The following CADM2 variants were observed in gnomAD, a reference collection of about 807,000 sequenced individuals.
The protein encoded by CADM2 is cell adhesion molecule 2.
A neutral mutation model predicts 49.8 loss-of-function variants in CADM2; 12 were observed. That is an observed-to-expected ratio of 0.24 (90% CI 0.15 to 0.39). CADM2 has a LOEUF of 0.39. Ranked by LOEUF, CADM2 falls within the 10% of genes least tolerant of loss-of-function variation. The pLI is 1.00. For missense variants in CADM2, 378 were observed against 492.3 expected (o/e 0.77, Z 2.20); for synonymous variants, 214 against 175.4 (o/e 1.22, Z -1.74).
chr3:85,084,269 C>T (rs1357678023), intron 1 of CADM2, among the ~76,000 whole-genome samples: 1 of 152,092 alleles, frequency 6.6e-6, no homozygotes, highest in East Asian at 1.9e-4. Context: ...TCTATTTTCC[C>T]CTTAGAGTAT....
chr3:85,942,090 T>A (rs574516076), intron 7 of CADM2, among the ~76,000 whole-genome samples: 2 of 152,250 alleles, frequency 1.3e-5, no homozygotes, highest in East Asian at 3.9e-4. Flanking sequence ...ACAACAATGA[T>A]GATTGTATTT....
intron 2 of CADM2, among the ~76,000 whole-genome samples, chr3:85,752,376 G>C (rs1363784432): frequency 1.3e-5 from 2 of 151,770 alleles, no homozygotes; most frequent in African/African-American, 4.8e-5. Flanking sequence ...GATCTAGGCA[G>C]TCAAATATAA....
chr3:85,450,775 G>A (rs774384771), intron 1 of CADM2, among the ~76,000 whole-genome samples: 1 of 151,810 alleles, frequency 6.6e-6, no homozygotes, highest in Admixed American at 6.6e-5. Context: ...TTCTTTAGAT[G>A]CTGACCAATT....
chr3:86,069,565 A>T lies in CADM2; in HGVS notation c.*2782A>T, dbSNP rs1739661530. On this transcript the variant is annotated 3_prime_UTR_variant, in exon 10 of 10. Transcript: ENST00000383699. ...TTTCTATTCCAACAAGTCAGAAAAT[A>T]ATGACATAATATTTCTAAATGAGAA... is the stretch of plus-strand genomic sequence containing the variant. 6.6e-6 allele frequency: 1 copy of T among 152,028 alleles called. No individual in the cohort carries two copies. Among genetic ancestry groups the T allele is most frequent in the South Asian group, 2.1e-4 (1 of 4,836 alleles). The allele number at this position is 152,028 out of a possible 1,614,324, so 9.4% of individuals were successfully genotyped here.
intron 1 of CADM2, among the ~76,000 whole-genome samples, chr3:85,717,642 ATTAC>A (rs1254472005): frequency 2.6e-5 from 4 of 152,092 alleles, no homozygotes; most frequent in Non-Finnish European, 4.4e-5. Context: ...AATAGTTCTT[ATTAC>A]TTTGAGATAC....
In CADM2 at chr3:85,433,133, G is replaced by A. The variant is rs565129522; in HGVS notation, c.62-293389G>A. Among the ~76,000 whole-genome samples the A allele has an allele frequency of 1.7e-4, 11 of 66,100 alleles. No homozygotes were observed. The Admixed American group carries it at 2.4e-3, about 15-fold the overall frequency. 43.4% of individuals were successfully genotyped at this position (66,100 alleles called of 152,430 possible). ...AAAAGAAAAACATACATTTATTTCT[G>A]AGTCCTCTTTTTTTTTCTAAAAAGC... On this transcript the variant is annotated intron_variant, in intron 1 of 9. Transcript: ENST00000383699.
chr3:85,786,171 T>G (rs1226772984), intron 2 of CADM2, among the ~76,000 whole-genome samples: 2 of 152,128 alleles, frequency 1.3e-5, no homozygotes, highest in Non-Finnish European at 2.9e-5. Context: ...TTTTACACTT[T>G]CACCTTAATT....
chr3:85,136,246 G>A (rs1052087272), intron 1 of CADM2, among the ~76,000 whole-genome samples: 2 of 151,690 alleles, frequency 1.3e-5, no homozygotes, highest in South Asian at 4.2e-4. Context: ...AGCTGTGAGT[G>A]GTAATAAGAA....
intron 1 of CADM2, among the ~76,000 whole-genome samples, chr3:84,994,049 A>G (rs188358111): frequency 6.6e-6 from 1 of 152,290 alleles, no homozygotes; most frequent in African/African-American, 2.4e-5. Flanking sequence ...AAATGTGAAT[A>G]GGATGTTTCA....
intron 1 of CADM2, among the ~76,000 whole-genome samples, chr3:84,972,304 A>G (rs1046636410): frequency 1.3e-5 from 2 of 152,266 alleles, no homozygotes; most frequent in African/African-American, 4.8e-5. Flanking sequence ...GTTTTATAAC[A>G]TAGTATAACA....
intron 1 of CADM2, among the ~76,000 whole-genome samples, chr3:85,287,865 C>T (rs1464355068): frequency 1.3e-5 from 2 of 148,688 alleles, no homozygotes; most frequent in Non-Finnish European, 3.0e-5. Context: ...CCAAACACCA[C>T]ATGTTCTCAC....
intron 1 of CADM2, among the ~76,000 whole-genome samples, chr3:84,970,943 A>G (rs1485880521): frequency 6.6e-6 from 1 of 152,076 alleles, no homozygotes; most frequent in Non-Finnish European, 1.5e-5. Context: ...TCAGTGAAAC[A>G]TTTTAATATG....
intron 3 of CADM2, among the ~76,000 whole-genome samples, chr3:85,818,948 C>T (rs2073389653): frequency 2.6e-5 from 4 of 151,584 alleles, no homozygotes; most frequent in African/African-American, 7.3e-5. Context: ...CACATGATCA[C>T]CAGATGAAGT....
At chr3:85,463,930 G>A (rs1240793258) in intron 1 of CADM2, among the ~76,000 whole-genome samples, 1 of 152,054 alleles carries the variant, frequency 6.6e-6, no homozygotes, top group Non-Finnish European at 1.5e-5. Context: ...TAGATCCAAG[G>A]TTATTGGGGT....
chr3:85,435,384 A>G (rs2036878371), intron 1 of CADM2, among the ~76,000 whole-genome samples: 1 of 152,064 alleles, frequency 6.6e-6, no homozygotes, highest in Non-Finnish European at 1.5e-5. Context: ...TCCATGGTGT[A>G]TATGTGCCAC....
At chr3:85,194,339 A>G (rs1380782790) in intron 1 of CADM2, among the ~76,000 whole-genome samples, 2 of 152,064 alleles carry the variant, frequency 1.3e-5, no homozygotes, top group African/African-American at 4.8e-5. Context: ...GTCTTAAAAC[A>G]TTGGGAAACT....
intron 1 of CADM2, among the ~76,000 whole-genome samples, chr3:85,222,188 C>G (rs983848761): frequency 3.3e-5 from 5 of 151,524 alleles, no homozygotes; most frequent in Non-Finnish European, 7.4e-5. Context: ...CGTGAGAATA[C>G]GTCTGTCGTA....
At chr3:85,173,913 T>G (rs746775945) in intron 1 of CADM2, among the ~76,000 whole-genome samples, 5 of 152,206 alleles carry the variant, frequency 3.3e-5, no homozygotes, top group African/African-American at 7.2e-5. Flanking sequence ...TTTGTCTTTT[T>G]ATATTCCACA....
chr3:85,390,647 C>A (rs1456426619), intron 1 of CADM2, among the ~76,000 whole-genome samples: 1 of 151,990 alleles, frequency 6.6e-6, no homozygotes, highest in African/African-American at 2.4e-5. Context: ...TCTTGAAGAA[C>A]CAAAATTAAC....
Sources: gnomAD v4.1 joint callset for allele counts (sites outside exome capture counted in the v4.1 genomes callset) on GRCh38, gnomAD v4.1.1 for gene constraint, MANE v1.5 for transcripts, NCBI Gene and HGNC (gene_info 2026-07-23, HGNC 2026-07-21) for gene names.